The following DOCK3 variants were observed in gnomAD, a reference collection of about 807,000 sequenced individuals.
DOCK3 encodes dedicator of cytokinesis 3.
In DOCK3, 60 loss-of-function variants were observed where a neutral mutation model predicts 265.6. The observed-to-expected ratio is 0.23, with a 90% confidence interval of 0.18 to 0.28. The LOEUF (loss-of-function observed/expected upper bound fraction) is 0.28, where lower values mean the gene tolerates loss of function less well. DOCK3 is among the 10% of genes least tolerant of loss of function. DOCK3 has a pLI of 1.00. For synonymous variants in DOCK3, 881 were observed against 938.0 expected (o/e 0.94, Z 1.11); for missense variants, 1,981 against 2,594.3 (o/e 0.76, Z 5.14).
At chr3:51,109,132 C>T (rs2083410995) in intron 9 of DOCK3, among the ~76,000 whole-genome samples, 1 of 152,168 alleles carries the variant, frequency 6.6e-6, no homozygotes, top group African/African-American at 2.4e-5. Flanking sequence ...AGACATAAAA[C>T]AATCATCAGC....
chr3:50,726,690 T>G (rs142163980), intron 1 of DOCK3, among the ~76,000 whole-genome samples: 1 of 152,306 alleles, frequency 6.6e-6, no homozygotes, highest in East Asian at 1.9e-4. Flanking sequence ...GAAAAGAGAC[T>G]TAAGTGATCA....
intron 5 of DOCK3, among the ~76,000 whole-genome samples, chr3:50,934,615 C>T (rs1027423667): frequency 6.6e-6 from 1 of 151,964 alleles, no homozygotes; most frequent in South Asian, 2.1e-4. Flanking sequence ...CTGCTTAAGG[C>T]CAGGAGTTTG....
At chr3:51,020,738 T>C (rs1422298966) in intron 5 of DOCK3, among the ~76,000 whole-genome samples, 1 of 151,930 alleles carries the variant, frequency 6.6e-6, no homozygotes, top group African/African-American at 2.4e-5. Flanking sequence ...TTCTTTCCTG[T>C]TACTTGTTTT....
At chr3:50,964,375 T>G (rs2076970905) in intron 5 of DOCK3, among the ~76,000 whole-genome samples, 2 of 152,040 alleles carry the variant, frequency 1.3e-5, no homozygotes. Context: ...GTTAAAGTGG[T>G]TTTTACAACA....
At chr3:50,890,333 A>T (rs1433871713) in intron 4 of DOCK3, among the ~76,000 whole-genome samples, 1 of 152,122 alleles carries the variant, frequency 6.6e-6, no homozygotes, top group African/African-American at 2.4e-5. Flanking sequence ...AGTATGTTTT[A>T]AAAAATTATG....
In DOCK3 at chr3:51,078,297, T is replaced by C. The variant is rs548740340; in HGVS notation, c.549+2857T>C. ...GTTAGAAAATAGAGAAAAATCTCCC[T>C]GAAAACAGAACAGCAACAAAATAAA... On this transcript the variant is annotated intron_variant, in intron 7 of 52. Coordinates refer to ENST00000266037, the MANE Select transcript of DOCK3 (RefSeq NM_004947.5). Among the ~76,000 whole-genome samples, 4 of 152,214 alleles carry C rather than the reference T, an allele frequency of 2.6e-5. No individual in the cohort carries two copies. The South Asian group carries it at 8.3e-4, about 32-fold the overall frequency.
At chr3:51,024,493 A>G (rs1477583791) in intron 5 of DOCK3, among the ~76,000 whole-genome samples, 2 of 149,886 alleles carry the variant, frequency 1.3e-5, no homozygotes, top group Non-Finnish European at 3.0e-5. Flanking sequence ...GTAGATCTCA[A>G]TTAGATGTTC....
At chr3:50,901,679 G>C (rs896094918) in intron 4 of DOCK3, 1 of 454,156 alleles carries the variant, frequency 2.2e-6, no homozygotes, top group Admixed American at 2.4e-5. Flanking sequence ...GGAGTGCACT[G>C]TTCCTCAAGG....
chr3:51,020,708 A>G (rs1169047882), intron 5 of DOCK3, among the ~76,000 whole-genome samples: 3 of 151,854 alleles, frequency 2.0e-5, no homozygotes, highest in Admixed American at 6.6e-5. Context: ...TTCTCGCAAT[A>G]CCATTTATTA....
intron 5 of DOCK3, among the ~76,000 whole-genome samples, chr3:50,948,079 C>T (rs2076484748): frequency 9.0e-6 from 1 of 111,608 alleles, no homozygotes; most frequent in Non-Finnish European, 1.9e-5. Flanking sequence ...TATTTTGAGG[C>T]AGAGTTTCGC....
At chr3:51,062,110 C>G (rs1459816921) in intron 5 of DOCK3, among the ~76,000 whole-genome samples, 1 of 152,146 alleles carries the variant, frequency 6.6e-6, no homozygotes, top group Non-Finnish European at 1.5e-5. Context: ...TGACTGGAAT[C>G]CCTGCCTTCC....
Position 51,312,755 on chromosome 3 carries a change from A to C in DOCK3, c.3195-89A>C. The C allele has an allele frequency of 2.2e-6, 3 of 1,385,746 alleles. No individual in the cohort carries two copies. The South Asian group carries it at 3.8e-5, about 18-fold the overall frequency. 85.8% of individuals were successfully genotyped at this position (1,385,746 alleles called of 1,614,324 possible). A position where few individuals can be genotyped will look rare whatever the true frequency, so the allele number is the denominator to read the frequency against. ...GCATTGGGAAGCATTAGAAACAAAC[A>C]GTGCTGAAGTCCTGGCCTCATGGGT... On this transcript the variant is annotated intron_variant, in intron 30 of 52. Coordinates refer to ENST00000266037, the MANE Select transcript of DOCK3 (RefSeq NM_004947.5).
chr3:51,237,262 G>C (rs2078386929), intron 20 of DOCK3, among the ~76,000 whole-genome samples: 2 of 152,158 alleles, frequency 1.3e-5, no homozygotes, highest in South Asian at 4.1e-4. Context: ...GTAAATACAG[G>C]AAGAGACTGA....
chr3:50,796,141 C>T (rs543508675), intron 2 of DOCK3, among the ~76,000 whole-genome samples: 55 of 148,270 alleles, frequency 3.7e-4, no homozygotes, highest in African/African-American at 1.2e-3. Context: ...CCTGGGTTCA[C>T]GCCATTCTCC....
chr3:50,818,939 ATTC>A (rs2044247902), intron 2 of DOCK3, among the ~76,000 whole-genome samples: 2 of 152,192 alleles, frequency 1.3e-5, no homozygotes, highest in South Asian at 2.1e-4. Context: ...CTAAGCCAGG[ATTC>A]TTCTTAATAT....
intron 5 of DOCK3, among the ~76,000 whole-genome samples, chr3:50,999,198 C>A (rs1257471520): frequency 6.6e-6 from 1 of 152,112 alleles, no homozygotes; most frequent in Non-Finnish European, 1.5e-5. Flanking sequence ...AATCTTTGCC[C>A]AACCTGTTAA....
intron 2 of DOCK3, among the ~76,000 whole-genome samples, chr3:50,838,782 T>C (rs1377193393): frequency 6.6e-6 from 1 of 152,250 alleles, no homozygotes; most frequent in Non-Finnish European, 1.5e-5. Context: ...GCTTATGAAC[T>C]TTTTTGGTTC....
chr3:51,306,011 C>CT lies in DOCK3; in HGVS notation c.2923-4210dup, dbSNP rs1208205652. Among the ~76,000 whole-genome samples, 476 of 136,590 alleles carry CT rather than the reference C, an allele frequency of 3.5e-3. 1 individual carries two copies. Among genetic ancestry groups the CT allele is most frequent in the African/African-American group, 0.011 (391 of 37,084 alleles). 89.6% of individuals were successfully genotyped at this position (136,590 alleles called of 152,430 possible). A position where few individuals can be genotyped will look rare whatever the true frequency, so the allele number is the denominator to read the frequency against. Reference sequence around the variant, plus strand: ...CACACCACCACACCAGCTAGTTTTTCTTTTTTTTTTTCTTTTTTTTTTTAA... The same window carrying CT: ...CACACCACCACACCAGCTAGTTTTTCTTTTTTTTTTTTCTTTTTTTTTTTAA... On this transcript the variant is annotated intron_variant, in intron 27 of 52. Transcript: ENST00000266037.
intron 1 of DOCK3, among the ~76,000 whole-genome samples, chr3:50,687,987 A>G (rs921897149): frequency 9.9e-5 from 15 of 152,120 alleles, no homozygotes; most frequent in Admixed American, 2.6e-4. Flanking sequence ...CAGTGACTCA[A>G]TCCTCTCTTA....
Sources: allele counts gnomAD v4.1 joint callset (sites outside exome capture counted in the v4.1 genomes callset), GRCh38; gene constraint gnomAD v4.1.1; transcripts MANE v1.5; gene names NCBI Gene and HGNC (gene_info 2026-07-23, HGNC 2026-07-21).